Variants in DCLRE1A observed in about 807,000 individuals in gnomAD.
DCLRE1A encodes the protein DNA cross-link repair 1A, also known as DNA cross-link repair 1A protein.
DCLRE1A carries 64 observed loss-of-function variants against 91.9 expected under a neutral mutation model. That is an observed-to-expected ratio of 0.70 (90% CI 0.57 to 0.86). The LOEUF (loss-of-function observed/expected upper bound fraction) is 0.86, where lower values mean the gene tolerates loss of function less well. Ranked by LOEUF, DCLRE1A falls within the 40% of genes least tolerant of loss-of-function variation. The pLI, the probability that DCLRE1A is intolerant of heterozygous loss-of-function variation, is 0.00. For synonymous variants in DCLRE1A, 416 were observed against 431.1 expected, an observed-to-expected ratio of 0.96 and a Z score of 0.43; for missense variants, 1,145 against 1,213.3, an observed-to-expected ratio of 0.94 and a Z score of 0.84.
chr10:113,841,426 T>C lies in DCLRE1A; in HGVS notation c.2800A>G (p.Met934Val). 8 of 1,612,786 alleles carry C rather than the reference T, an allele frequency of 5.0e-6. No individual in the cohort carries two copies. The highest frequency in any genetic ancestry group is 4.2e-6 in the Non-Finnish European group (5 of 1,179,564). Reference protein sequence around the residue: ...MCSSLVHLLPMMQINFKGLQS... With the variant: ...MCSSLVHLLPVMQINFKGLQS... ...CTTACCTTAAAATTAATTTGCATCA[T>C]TGGGAGAAGGTGAACCAATGAACTG... The change falls in exon 7 of 9, where the codon ATG (methionine) becomes GTG (valine). Residue 934 changes from methionine (M) to valine (V), a missense_variant. Physicochemically the swap from Met to Val is conservative, Grantham distance 21. Coordinates refer to ENST00000361384, the MANE Select transcript of DCLRE1A (RefSeq NM_014881.5).
Position 113,852,971 on chromosome 10 carries a change from C to T in DCLRE1A, c.212G>A (p.Gly71Asp), listed in dbSNP as rs17228672. The T allele has an allele frequency of 1.6e-3, 2,626 of 1,614,198 alleles. 25 individuals are homozygous for T. In the African/African-American group the frequency reaches 0.027, roughly 17 times the overall value. ...KDHEVPLGNA[G>D]CQTSVASSQN... ...ACTAGAAGCAACAGAAGTCTGACAA[C>T]CTGCATTTCCAAGGGGCACTTCATG... is the stretch of plus-strand genomic sequence containing the variant. Residue 71 changes from glycine (G) to aspartate (D), a missense_variant, in exon 1 of 9, where the codon GGT (glycine) becomes GAT (aspartate). By Grantham distance (94) the Gly-to-Asp change is moderately conservative. Coordinates refer to ENST00000361384, the MANE Select transcript of DCLRE1A (RefSeq NM_014881.5).
chr10:113,837,196 T>C lies in DCLRE1A; in HGVS notation c.2828A>G (p.Gln943Arg), dbSNP rs1317914828. 3 of 1,608,200 alleles carry C rather than the reference T, an allele frequency of 1.9e-6. No homozygotes were observed. The highest frequency in any genetic ancestry group is 1.7e-6 in the Non-Finnish European group (2 of 1,178,264). ...CCCACCACACTTCTTCAAATGACTC[T>C]GTAAGCCCTGTTAAATTAAAATAGC... Reference protein sequence around the residue: ...PMMQINFKGLQSHLKKCGGKY... With the variant: ...PMMQINFKGLRSHLKKCGGKY... Residue 943 changes from glutamine to arginine, a missense_variant, in exon 8 of 9, where the codon CAG becomes CGG. Physicochemically the swap from Gln to Arg is conservative, Grantham distance 43. Coordinates refer to ENST00000361384, the MANE Select transcript of DCLRE1A (RefSeq NM_014881.5).
intron 2 of DCLRE1A, 86 bp downstream of exon 2, chr10:113,848,892 TAC>T (rs17228707): frequency 0.017 from 17,319 of 1,023,666 alleles, no homozygotes; most frequent in South Asian, 0.022. Flanking sequence ...AATTGTCTCA[TAC>T]ACACACACAC....
In DCLRE1A at chr10:113,845,736, T is replaced by A. The variant is rs1845526463; in HGVS notation, c.2327A>T (p.Asp776Val). 2 of 1,614,034 alleles carry A rather than the reference T, an allele frequency of 1.2e-6. No individual in the cohort carries two copies. The highest frequency in any genetic ancestry group is 3.3e-5 in the Admixed American group (2 of 60,006). ...QEQYIHPLPL[D>V]TECIVNGVKV... ...GACACCATTCACAATACATTCAGTG[T>A]CCAGTGGCAATGGGTGAATATATTG... Residue 776 changes from aspartate to valine, a missense_variant, in exon 4 of 9, where the codon GAC becomes GTC. Asp to Val is a radical substitution (Grantham distance 152, BLOSUM62 -3). Transcript: ENST00000361384.
chr10:113,838,014 A>G (rs1845389646), intron 7 of DCLRE1A, among the ~76,000 whole-genome samples: 1 of 152,174 alleles, frequency 6.6e-6, no homozygotes, highest in African/African-American at 2.4e-5. Flanking sequence ...CATTTTATTG[A>G]TGAATTGGTA....
chr10:113,847,641 A>C (rs1263550560), intron 2 of DCLRE1A, among the ~76,000 whole-genome samples: 1 of 152,218 alleles, frequency 6.6e-6, no homozygotes, highest in Non-Finnish European at 1.5e-5. Context: ...AATACTTAGC[A>C]CTTTACTTCT....
rs1195091574 is a variant in DCLRE1A at position 113,853,005 on chromosome 10, C to A, written c.178G>T (p.Val60Leu). ...NRKRAAEAKE[V>L]KDHEVPLGNA... ...CCAAGGGGCACTTCATGGTCCTTCA[C>A]CTCTTTAGCTTCTGCGGCTCTTTTT... Residue 60 changes from valine (V) to leucine (L), a missense_variant, in exon 1 of 9, where the codon GTG becomes TTG. Val to Leu is a conservative substitution (Grantham distance 32, BLOSUM62 1). Coordinates refer to ENST00000361384, the MANE Select transcript of DCLRE1A (RefSeq NM_014881.5). 2 of 1,614,130 alleles carry A rather than the reference C, an allele frequency of 1.2e-6. No individual in the cohort carries two copies. Among genetic ancestry groups the A allele is most frequent in the Non-Finnish European group, 1.7e-6 (2 of 1,180,032 alleles).
chr10:113,842,785 T>C (rs1373918686), intron 5 of DCLRE1A, among the ~76,000 whole-genome samples: 3 of 152,158 alleles, frequency 2.0e-5, no homozygotes, highest in Non-Finnish European at 4.4e-5. Context: ...GCCAGCTATT[T>C]TAGTTATAAA....
Position 113,849,499 on chromosome 10 carries a change from T to G in DCLRE1A, c.1606A>C (p.Lys536Gln). Residue 536 changes from lysine (K) to glutamine (Q), a missense_variant, in exon 2 of 9, where the codon AAA becomes CAA. By Grantham distance (53) the Lys-to-Gln change is moderately conservative. Coordinates refer to ENST00000361384, the MANE Select transcript of DCLRE1A (RefSeq NM_014881.5). ...TACTTAAGACCAGAAGGCAATATTT[T>G]CAAATACTTCGGAGCAGGTGTACTA... ...LSSTPAPKYLKILPSGLKYNA... is the reference protein window; with the variant it reads ...LSSTPAPKYLQILPSGLKYNA... 1 of 1,614,038 alleles carries G rather than the reference T, an allele frequency of 6.2e-7. No homozygotes were observed. The highest frequency in any genetic ancestry group is 1.6e-4 in the Middle Eastern group (1 of 6,062).
rs541597687 is a variant in DCLRE1A at position 113,844,142 on chromosome 10, A to G, written c.2481T>C (p.Leu827=). 2.2e-5 allele frequency: 36 copies of G among 1,614,202 alleles called. 1 individual carries two copies. In the South Asian group the frequency reaches 3.7e-4, roughly 17 times the overall value. ...ACAGCATATGGACTTTCTGGTCCGC[A>G]AGAAGAGAACGTTCCATGCTGGGAT... ...RADPSMERSL[L]ADQKVHMLYL... The change falls in exon 5 of 9, where the codon CTT becomes CTC. Residue 827 remains leucine (L), a synonymous_variant. Coordinates refer to ENST00000361384, the MANE Select transcript of DCLRE1A (RefSeq NM_014881.5).
In DCLRE1A at chr10:113,850,249, A is replaced by G; in HGVS notation, c.856T>C (p.Leu286=). The change falls in exon 2 of 9, where the codon TTG becomes CTG. Residue 286 remains leucine (L), a synonymous_variant. Coordinates refer to ENST00000361384, the MANE Select transcript of DCLRE1A (RefSeq NM_014881.5). The part of the protein sequence containing the change: ...RLANNSEHIN[L]PLPENDFSDC... ...CTGAAGTCATTTTCTGGCAATGGCA[A>G]ATTTATGTGTTCTGAGTTGTTTGCA... 1.2e-6 allele frequency: 2 copies of G among 1,614,110 alleles called. No homozygotes were observed. Among genetic ancestry groups the G allele is most frequent in the Non-Finnish European group, 1.7e-6 (2 of 1,180,000 alleles).
chr10:113,839,528 A>G (rs943414918), intron 7 of DCLRE1A, among the ~76,000 whole-genome samples: 2 of 152,000 alleles, frequency 1.3e-5, no homozygotes, highest in Non-Finnish European at 2.9e-5. Context: ...ATATTAAAAG[A>G]AAAAAAAGAA....
Position 113,841,433 on chromosome 10 carries a change from A to T in DCLRE1A, c.2793T>A (p.Leu931=). The change falls in exon 7 of 9, where the codon CTT becomes CTA. Residue 931 remains leucine (L), a synonymous_variant. Transcript: ENST00000361384. ...TAAAATTAATTTGCATCATTGGGAG[A>T]AGGTGAACCAATGAACTGCACATGT... The part of the protein sequence containing the change: ...TTDMCSSLVH[L]LPMMQINFKG... 1.2e-6 allele frequency: 2 copies of T among 1,613,250 alleles called. No homozygotes were observed. Among genetic ancestry groups the T allele is most frequent in the Non-Finnish European group, 1.7e-6 (2 of 1,179,646 alleles).
At chr10:113,835,701 G>A (rs1051825003) in intron 8 of DCLRE1A, among the ~76,000 whole-genome samples, 6 of 152,112 alleles carry the variant, frequency 3.9e-5, no homozygotes, top group African/African-American at 1.2e-4. Context: ...TTGGGAGGCC[G>A]AAGCGGGCAG....
In DCLRE1A at chr10:113,850,094, ATCT is replaced by A; in HGVS notation, c.1008_1010del (p.Glu336del). On this transcript the variant is annotated inframe_deletion, in exon 2 of 9. Coordinates refer to ENST00000361384, the MANE Select transcript of DCLRE1A (RefSeq NM_014881.5). ...TTTTAAAAAAACCACAGCTGTCATC[ATCT>A]TCTTCGAGGCTGCCATCTTTTGAGC... 5 of 1,613,986 alleles carry A rather than the reference ATCT, an allele frequency of 3.1e-6. No homozygotes were observed. Among genetic ancestry groups the A allele is most frequent in the Non-Finnish European group, 4.2e-6 (5 of 1,179,964 alleles).
intron 8 of DCLRE1A, among the ~76,000 whole-genome samples, chr10:113,836,114 G>C (rs183183113): frequency 3.2e-4 from 48 of 152,122 alleles, no homozygotes; most frequent in African/African-American, 9.9e-4. Flanking sequence ...AGCCCTCCCA[G>C]TCATGCTTCT....
At chr10:113,848,863 A>T in intron 2 of DCLRE1A, 117 bp downstream of exon 2, 1 of 995,288 alleles carries the variant, frequency 1.0e-6, no homozygotes, top group Non-Finnish European at 1.5e-6. Context: ...TCACAAAAGC[A>T]AAGGAAACAC....
chr10:113,839,480 A>G (rs1267540472), intron 7 of DCLRE1A, among the ~76,000 whole-genome samples: 2 of 152,184 alleles, frequency 1.3e-5, no homozygotes, highest in Non-Finnish European at 1.5e-5. Flanking sequence ...TTTTAAATAC[A>G]TATTTCCATT....
Position 113,841,473 on chromosome 10 carries a change from G to A in DCLRE1A, c.2753C>T (p.Ser918Leu), listed in dbSNP as rs777733809. Residue 918 changes from serine (S) to leucine (L), a missense_variant, in exon 7 of 9, where the codon TCA becomes TTA. Physicochemically the swap from Ser to Leu is moderately radical, Grantham distance 145. Transcript: ENST00000361384. Reference protein sequence around the residue: ...LQCLNIPEINSLITTDMCSSL... With the variant: ...LQCLNIPEINLLITTDMCSSL... ...ACTGCACATGTCGGTAGTGATGAGTGAATTAATTTCTGGTATATTGAGGCA... is the reference window on the plus strand; with the variant it reads ...ACTGCACATGTCGGTAGTGATGAGTAAATTAATTTCTGGTATATTGAGGCA... 5.6e-6 allele frequency: 9 copies of A among 1,613,480 alleles called. No individual in the cohort carries two copies. Among genetic ancestry groups the A allele is most frequent in the Admixed American group, 1.7e-5 (1 of 59,930 alleles).
Sources: allele counts gnomAD v4.1 joint callset (sites outside exome capture counted in the v4.1 genomes callset), GRCh38; gene constraint gnomAD v4.1.1; transcripts MANE v1.5; gene names NCBI Gene and HGNC (gene_info 2026-07-23, HGNC 2026-07-21).